The following GMPR variants were observed in gnomAD, a reference collection of about 807,000 sequenced individuals.
The protein encoded by GMPR is guanosine monophosphate reductase.
GMPR carries 31 observed loss-of-function variants against 38.4 expected under a neutral mutation model. The observed-to-expected ratio is 0.81, with a 90% CI of 0.61 to 1.09. The LOEUF (loss-of-function observed/expected upper bound fraction) is 1.09, where lower values mean the gene tolerates loss of function less well. Among genes scored for constraint, GMPR ranks in the 50% least tolerant of loss-of-function variants. GMPR has a pLI of 0.00. For synonymous variants in GMPR, 162 were observed against 173.3 expected (o/e 0.93, Z 0.51); for missense variants, 468 against 453.7 (o/e 1.03, Z -0.29).
intron 8 of GMPR, among the ~76,000 whole-genome samples, chr6:16,292,118 C>T (rs1198455053): frequency 6.6e-6 from 1 of 152,208 alleles, no homozygotes; most frequent in East Asian, 1.9e-4. Context: ...CTCCAATTTT[C>T]AGACTCTATC....
intron 2 of GMPR, among the ~76,000 whole-genome samples, 195 bp from the exon 3 acceptor site, chr6:16,250,089 G>T (rs1232060559): frequency 6.6e-6 from 1 of 152,216 alleles, no homozygotes; most frequent in Non-Finnish European, 1.5e-5. Flanking sequence ...AGATTAGAAT[G>T]GGAAACAGGG....
Position 16,295,167 on chromosome 6 carries a change from A to G in GMPR, c.1019A>G (p.His340Arg). The G allele has an allele frequency of 1.3e-6, 2 of 1,538,894 alleles. No homozygotes were observed. The highest frequency in any genetic ancestry group is 2.5e-5 in the South Asian group (2 of 79,622). Reference sequence around the variant, plus strand: ...ACATTCATCCGGGTGACCCAGCAGCACAACACCGTGTTCAGCTAACCCTGG... The same window carrying G: ...ACATTCATCCGGGTGACCCAGCAGCGCAACACCGTGTTCAGCTAACCCTGG... ...RATFIRVTQQ[H>R]NTVFS The change falls in exon 9 of 9, where the codon CAC (histidine) becomes CGC (arginine). Residue 340 changes from histidine to arginine, a missense_variant. His to Arg is a conservative substitution (Grantham distance 29, BLOSUM62 0). Coordinates refer to ENST00000259727, the MANE Select transcript of GMPR (RefSeq NM_006877.4).
At chr6:16,247,050 G>A (rs1359861720) in intron 2 of GMPR, 89 bp downstream of exon 2, 20 of 1,261,836 alleles carry the variant, frequency 1.6e-5, no homozygotes, top group Admixed American at 6.7e-5. Flanking sequence ...TCAGACACAA[G>A]GAAGAGTAGA....
chr6:16,261,129 A>G (rs2113680218), intron 4 of GMPR, among the ~76,000 whole-genome samples: 1 of 152,132 alleles, frequency 6.6e-6, no homozygotes, highest in East Asian at 1.9e-4. Context: ...TTGTTTGCAC[A>G]GAAAGGCTAC....
At chr6:16,286,104 A>G (rs1325339451) in intron 7 of GMPR, among the ~76,000 whole-genome samples, 1 of 152,122 alleles carries the variant, frequency 6.6e-6, no homozygotes, top group East Asian at 1.9e-4. Flanking sequence ...GGGAAGAGAA[A>G]GCTCAAGGGA....
At chr6:16,286,714 C>T (rs1272538192) in intron 7 of GMPR, among the ~76,000 whole-genome samples, 1 of 151,692 alleles carries the variant, frequency 6.6e-6, no homozygotes, top group Non-Finnish European at 1.5e-5. Flanking sequence ...AGTTTGAGAC[C>T]AGCCTGGACA....
chr6:16,283,122 T>G (rs1412608066), intron 6 of GMPR, among the ~76,000 whole-genome samples: 5 of 152,220 alleles, frequency 3.3e-5, no homozygotes, highest in Non-Finnish European at 7.3e-5. Context: ...GAGCAAGTAT[T>G]TTTAAGCAAA....
At chr6:16,290,199 C>A in intron 7 of GMPR, 1 of 381,618 alleles carries the variant, frequency 2.6e-6, no homozygotes, top group Non-Finnish European at 4.8e-6. Flanking sequence ...CCATTAAAAG[C>A]CATTCAGCAT....
intron 3 of GMPR, among the ~76,000 whole-genome samples, chr6:16,252,942 A>G (rs1758904116): frequency 6.6e-6 from 1 of 152,264 alleles, no homozygotes; most frequent in African/African-American, 2.4e-5. Context: ...GGGGAATAAC[A>G]TAAAGGATAT....
rs568753659 is a variant in GMPR, at chr6:16,283,098, T to C, written c.655-2695T>C. Among the ~76,000 whole-genome samples the C allele has an allele frequency of 2.4e-3, 363 of 152,304 alleles. 5 individuals carry two copies. Among genetic ancestry groups the C allele is most frequent in the African/African-American group, 8.3e-3 (347 of 41,572 alleles). Reference sequence around the variant, plus strand: ...TGCTGGGATTACAGGTGTGAGCCACTGTGCCTGTAGCCTGAGCAAGTATTT... The same window carrying C: ...TGCTGGGATTACAGGTGTGAGCCACCGTGCCTGTAGCCTGAGCAAGTATTT... On this transcript the variant is annotated intron_variant, in intron 6 of 8. Transcript: ENST00000259727.
At chr6:16,281,716 G>T (rs926534526) in intron 6 of GMPR, among the ~76,000 whole-genome samples, 1 of 151,706 alleles carries the variant, frequency 6.6e-6, no homozygotes, top group South Asian at 2.1e-4. Context: ...CACCATGCTG[G>T]CCAGGCTGGT....
intron 3 of GMPR, among the ~76,000 whole-genome samples, chr6:16,252,159 A>C (rs1219976932): frequency 6.6e-6 from 1 of 152,202 alleles, no homozygotes; most frequent in African/African-American, 2.4e-5. Flanking sequence ...ATTGTGTTCA[A>C]GTGAATTGTG....
chr6:16,267,809 A>T (rs1759292045), intron 4 of GMPR, among the ~76,000 whole-genome samples: 1 of 152,166 alleles, frequency 6.6e-6, no homozygotes, highest in Non-Finnish European at 1.5e-5. Flanking sequence ...TGTTCAGATT[A>T]GATAGAGGCC....
chr6:16,266,087 C>T (rs114735673), intron 4 of GMPR, among the ~76,000 whole-genome samples: 23 of 77,488 alleles, frequency 3.0e-4, no homozygotes, highest in Middle Eastern at 0.016. Context: ...GACGGGCTAC[C>T]TTTAAGAGCT....
Position 16,295,515 on chromosome 6 carries a change from T to C in GMPR, c.*329T>C, listed in dbSNP as rs1006048858. On this transcript the variant is annotated 3_prime_UTR_variant, in exon 9 of 9. Transcript: ENST00000259727. ...CTTTCTTTTTTAAAAGAAGATGGTT[T>C]CACTTTAATATAATGCTATTATCTT... The C allele has an allele frequency of 1.9e-5, 4 of 212,656 alleles. No homozygotes were observed. The highest frequency in any genetic ancestry group is 2.8e-5 in the Non-Finnish European group (3 of 108,346). 13.2% of individuals were successfully genotyped at this position (212,656 alleles called of 1,614,324 possible).
chr6:16,290,560 T>C lies in GMPR; in HGVS notation c.796T>C (p.Phe266Leu). 6.2e-7 allele frequency: 1 copy of C among 1,614,024 alleles called. No homozygotes were observed. The highest frequency in any genetic ancestry group is 8.5e-7 in the Non-Finnish European group (1 of 1,179,880). The change falls in exon 8 of 9, where the codon TTC becomes CTC. Residue 266 changes from phenylalanine to leucine, a missense_variant. Physicochemically the swap from Phe to Leu is conservative, Grantham distance 22. Transcript: ENST00000259727. ...FERNGRKLKLFYGMSSDTAMN... is the reference protein window; with the variant it reads ...FERNGRKLKLLYGMSSDTAMN... ...GAGGAACGGACGGAAGCTCAAGCTC[T>C]TCTACGGGATGAGCTCTGACACCGC...
chr6:16,254,278 C>T (rs1305260724), intron 3 of GMPR, among the ~76,000 whole-genome samples: 2 of 152,168 alleles, frequency 1.3e-5, no homozygotes, highest in Non-Finnish European at 2.9e-5. Context: ...GTTGGCCAGG[C>T]TGGTCTCAAA....
At chr6:16,244,099 T>C (rs1172713655) in intron 1 of GMPR, among the ~76,000 whole-genome samples, 1 of 138,748 alleles carries the variant, frequency 7.2e-6, no homozygotes, top group Non-Finnish European at 1.6e-5. Flanking sequence ...ATGAAATTGC[T>C]TTTTTTTTTT....
At chr6:16,245,329 A>G (rs967974373) in intron 1 of GMPR, among the ~76,000 whole-genome samples, 1 of 152,154 alleles carries the variant, frequency 6.6e-6, no homozygotes, top group Non-Finnish European at 1.5e-5. Flanking sequence ...TCTGGACACA[A>G]AACCCGGTGT....
Sources: allele counts gnomAD v4.1 joint callset (sites outside exome capture counted in the v4.1 genomes callset), GRCh38; gene constraint gnomAD v4.1.1; transcripts MANE v1.5; gene names NCBI Gene and HGNC (gene_info 2026-07-23, HGNC 2026-07-21).